XPR1: variants seen among roughly 807,000 people sequenced by gnomAD.
XPR1 encodes the protein xenotropic and polytropic retrovirus receptor 1.
XPR1 carries 28 observed loss-of-function variants against 87.5 expected under a neutral mutation model. The ratio of observed to expected loss-of-function variants is 0.32; its 90% confidence interval spans 0.24 to 0.44. The LOEUF is 0.44. Among genes scored for constraint, XPR1 ranks in the 20% least tolerant of loss-of-function variants. The pLI, the probability that XPR1 is intolerant of heterozygous loss-of-function variation, is 1.00. For synonymous variants in XPR1, 300 were observed against 306.1 expected (o/e 0.98, Z 0.21); for missense variants, 559 against 862.3 (o/e 0.65, Z 4.41).
At chr1:180,771,291 T>A (rs1648503142) in intron 2 of XPR1, among the ~76,000 whole-genome samples, 1 of 152,222 alleles carries the variant, frequency 6.6e-6, no homozygotes, top group Admixed American at 6.5e-5. Flanking sequence ...GGTTTTTTTT[T>A]TAATTTGTCT....
intron 2 of XPR1, among the ~76,000 whole-genome samples, chr1:180,764,790 T>TA (rs1201557490): frequency 7.0e-6 from 1 of 142,728 alleles, no homozygotes; most frequent in African/African-American, 2.6e-5. Flanking sequence ...TTTTTTTTCT[T>TA]TTTTTTTTTT....
chr1:180,832,471 A>G lies in XPR1; in HGVS notation c.1135-2403A>G, dbSNP rs536302217. 2.0e-5 allele frequency among the ~76,000 whole-genome samples: 3 copies of G among 152,136 alleles called. No individual in the cohort carries two copies. The East Asian group carries it at 5.8e-4, about 29-fold the overall frequency. On this transcript the variant is annotated intron_variant, in intron 9 of 14. Transcript: ENST00000367590. ...AGTCATGAAGTCTTTGCTCATGCCT[A>G]TGTCTTGAATGGTATTGCCTAGATT...
intron 2 of XPR1, among the ~76,000 whole-genome samples, chr1:180,685,100 C>G (rs1656718023): frequency 6.6e-6 from 1 of 151,986 alleles, no homozygotes; most frequent in Admixed American, 6.6e-5. Context: ...TTTGCCCATT[C>G]AGTATGATAT....
rs148623079 is a variant in XPR1, at chr1:180,705,501, A to G, written c.121+23090A>G. On this transcript the variant is annotated intron_variant, in intron 2 of 14. Coordinates refer to ENST00000367590, the MANE Select transcript of XPR1 (RefSeq NM_004736.4). ...ATTTCAAATTTTCTCTTGTTCCACA[A>G]TTGCTGTGCAGTTCCAAAATATGTT... Among the ~76,000 whole-genome samples the G allele has an allele frequency of 2.9e-3, 444 of 152,330 alleles. 3 individuals carry two copies. Among genetic ancestry groups the G allele is most frequent in the African/African-American group, 9.6e-3 (401 of 41,580 alleles).
chr1:180,696,206 GTGTATATATATATATATA>G (rs1181890450), intron 2 of XPR1, among the ~76,000 whole-genome samples: 38 of 102,056 alleles, frequency 3.7e-4, no homozygotes, highest in African/African-American at 1.3e-3. Context: ...GTGTGTGTGT[GTGTATATATATATATATA>G]TATATATTAT....
At chr1:180,796,174 T>TAC (rs199664677) in intron 3 of XPR1, among the ~76,000 whole-genome samples, 57 of 151,966 alleles carry the variant, frequency 3.8e-4, no homozygotes, top group African/African-American at 7.5e-4. Context: ...CTTTTATATA[T>TAC]ACACACACAC....
At chr1:180,792,105 C>G (rs561118817) in intron 3 of XPR1, among the ~76,000 whole-genome samples, 1 of 152,202 alleles carries the variant, frequency 6.6e-6, no homozygotes, top group Admixed American at 6.5e-5. Context: ...TCTTTTTTCC[C>G]TCATTTAGCC....
chr1:180,644,162 A>G (rs1195322497), intron 1 of XPR1, among the ~76,000 whole-genome samples: 2 of 152,208 alleles, frequency 1.3e-5, no homozygotes, highest in Non-Finnish European at 2.9e-5. Context: ...TCCTGTCACC[A>G]AGCTGTGAAG....
Position 180,825,303 on chromosome 1 carries a change from A to G in XPR1, c.1093A>G (p.Thr365Ala), listed in dbSNP as rs141311408. ...TTTCTTCCTTATCAACCCCACCAAA[A>G]CTTTCTACTATAAATCCCGGTTTTG... The part of the protein sequence containing the change: ...MVFFLINPTK[T>A]FYYKSRFWLL... Residue 365 changes from threonine to alanine, a missense_variant, in exon 9 of 15, where the codon ACT becomes GCT. By Grantham distance (58) the Thr-to-Ala change is moderately conservative. Coordinates refer to ENST00000367590, the MANE Select transcript of XPR1 (RefSeq NM_004736.4). 1.9e-5 allele frequency: 30 copies of G among 1,613,632 alleles called. No individual in the cohort carries two copies. The highest frequency in any genetic ancestry group is 2.5e-5 in the Non-Finnish European group (29 of 1,179,924).
chr1:180,840,560 GTGTGTGTATATATATA>G (rs1558034476), intron 11 of XPR1, among the ~76,000 whole-genome samples: 1 of 135,400 alleles, frequency 7.4e-6, no homozygotes, highest in African/African-American at 2.9e-5. Flanking sequence ...GTGTGTGTGT[GTGTGTGTATATATATA>G]TATATATATA....
At chr1:180,658,174 A>G (rs571458759) in intron 1 of XPR1, among the ~76,000 whole-genome samples, 2 of 152,326 alleles carry the variant, frequency 1.3e-5, no homozygotes, top group African/African-American at 4.8e-5. Flanking sequence ...TAGCAATTCT[A>G]ATAGTCTTTT....
At chr1:180,657,748 C>A (rs538922191) in intron 1 of XPR1, among the ~76,000 whole-genome samples, 1 of 152,160 alleles carries the variant, frequency 6.6e-6, no homozygotes, top group South Asian at 2.1e-4. Flanking sequence ...TCTTTTTGCT[C>A]AGGATTGCTT....
At chr1:180,721,863 A>G (rs184519172) in intron 2 of XPR1, among the ~76,000 whole-genome samples, 3 of 152,346 alleles carry the variant, frequency 2.0e-5, no homozygotes, top group Admixed American at 1.3e-4. Context: ...AATACAGTAT[A>G]TAATACATGA....
intron 2 of XPR1, among the ~76,000 whole-genome samples, chr1:180,743,084 A>G (rs1347207495): frequency 6.6e-6 from 1 of 151,998 alleles, no homozygotes; most frequent in African/African-American, 2.4e-5. Flanking sequence ...GTGACAGTCC[A>G]TCTTTTAATT....
intron 6 of XPR1, among the ~76,000 whole-genome samples, chr1:180,809,399 A>G (rs995316063): frequency 1.3e-5 from 2 of 152,212 alleles, no homozygotes; most frequent in Non-Finnish European, 1.5e-5. Flanking sequence ...CGTACACCTT[A>G]AATATATACA....
chr1:180,743,125 T>C (rs1014924932), intron 2 of XPR1, among the ~76,000 whole-genome samples: 2 of 152,176 alleles, frequency 1.3e-5, no homozygotes, highest in South Asian at 4.1e-4. Context: ...TTATGTTTAA[T>C]GTAATGATTG....
chr1:180,859,744 T>C (rs947373431), intron 11 of XPR1, among the ~76,000 whole-genome samples: 1 of 152,174 alleles, frequency 6.6e-6, no homozygotes, highest in African/African-American at 2.4e-5. Context: ...TAAGTCCTCA[T>C]GTATGTTTCA....
intron 11 of XPR1, among the ~76,000 whole-genome samples, chr1:180,857,777 CTGAATA>C (rs1304584645): frequency 1.3e-5 from 2 of 152,006 alleles, no homozygotes; most frequent in Admixed American, 6.6e-5. Flanking sequence ...TATTTGTTTG[CTGAATA>C]TACAAGCAAG....
At chr1:180,771,744 C>T (rs1324569357) in intron 2 of XPR1, among the ~76,000 whole-genome samples, 1 of 152,138 alleles carries the variant, frequency 6.6e-6, no homozygotes, top group African/African-American at 2.4e-5. Context: ...GCCTTTTTGT[C>T]AAGAATACCA....
Sources: allele counts gnomAD v4.1 joint callset (sites outside exome capture counted in the v4.1 genomes callset), GRCh38; gene constraint gnomAD v4.1.1; transcripts MANE v1.5; gene names NCBI Gene and HGNC (gene_info 2026-07-23, HGNC 2026-07-21).